Variants in TAF1L observed in about 807,000 individuals in gnomAD.
TAF1L encodes transcription initiation factor TFIID subunit 1-like.
A neutral mutation model predicts 128.8 loss-of-function variants in TAF1L; 30 were observed. The observed-to-expected ratio is 0.23, with a 90% CI of 0.17 to 0.32. TAF1L has a LOEUF of 0.32. Ranked by LOEUF, TAF1L falls within the 10% of genes least tolerant of loss-of-function variation. The pLI is 1.00. For missense variants in TAF1L, 2,099 were observed against 2,253.7 expected (o/e 0.93, Z 1.39); for synonymous variants, 764 against 790.7 (o/e 0.97, Z 0.57).
Position 32,630,794 on chromosome 9 carries a change from C to A in TAF1L, c.4786G>T (p.Ala1596Ser). Residue 1596 changes from alanine to serine, a missense_variant, in exon 1 of 1, where the codon GCC becomes TCC. Physicochemically the swap from Ala to Ser is moderately conservative, Grantham distance 99 (BLOSUM62 1). This residue lies in a region of TAF1L where 404 missense variants were observed against 406.5 expected (regional missense o/e 0.99). Coordinates refer to ENST00000242310, the MANE Select transcript of TAF1L (RefSeq NM_153809.2). Reference sequence around the variant, plus strand: ...GGTCCATTATACTTAACACTGTTGGCAAGAATAAGGTTTACATCATCTAGA... The same window carrying A: ...GGTCCATTATACTTAACACTGTTGGAAAGAATAAGGTTTACATCATCTAGA... ...SFLDDVNLIL[A>S]NSVKYNGPES... 1 of 1,614,176 alleles carries A rather than the reference C, an allele frequency of 6.2e-7. No individual in the cohort carries two copies. Among genetic ancestry groups the A allele is most frequent in the Admixed American group, 1.7e-5 (1 of 60,018 alleles).
Position 32,631,562 on chromosome 9 carries a change from T to C in TAF1L, c.4018A>G (p.Thr1340Ala). 5 of 1,614,212 alleles carry C rather than the reference T, an allele frequency of 3.1e-6. No homozygotes were observed. The highest frequency in any genetic ancestry group is 4.2e-6 in the Non-Finnish European group (5 of 1,180,030). Reference sequence around the variant, plus strand: ...AGCTGTTTCCCGAAGACAATTTTGGTCCCTTCAACCTTGATAAGTTCTTCA... The same window carrying C: ...AGCTGTTTCCCGAAGACAATTTTGGCCCCTTCAACCTTGATAAGTTCTTCA... ...DNEELIKVEGTKIVFGKQLIE... is the reference protein window; with the variant it reads ...DNEELIKVEGAKIVFGKQLIE... Residue 1340 changes from threonine to alanine, a missense_variant, in exon 1 of 1, where the codon ACC becomes GCC. Coordinates refer to ENST00000242310, the MANE Select transcript of TAF1L (RefSeq NM_153809.2). This position sits in a 1 kb window ranked among gnomAD's most constrained non-coding sequence, Gnocchi z 4.1.
Position 32,633,960 on chromosome 9 carries a change from G to T in TAF1L, c.1620C>A (p.Thr540=). 6.2e-7 allele frequency: 1 copy of T among 1,614,130 alleles called. No individual in the cohort carries two copies. The highest frequency in any genetic ancestry group is 1.3e-5 in the African/African-American group (1 of 75,008). The stretch of plus-strand genomic sequence containing the variant: ...TACTCTCCTTGGAGGGGGAGTTAGA[G>T]GTGGCCTCTTCCTTCTCATCAGGAA... ...LEIPDEKEEA[T]SNSPSKESKK... Residue 540 remains threonine (T), a synonymous_variant, in exon 1 of 1, where the codon ACC becomes ACA. Transcript: ENST00000242310.
chr9:32,634,499 G>A lies in TAF1L; in HGVS notation c.1081C>T (p.Arg361Cys). 2.5e-6 allele frequency: 4 copies of A among 1,614,138 alleles called. No individual in the cohort carries two copies. The highest frequency in any genetic ancestry group is 3.4e-6 in the Non-Finnish European group (4 of 1,180,022). Residue 361 changes from arginine to cysteine, a missense_variant, in exon 1 of 1, where the codon CGT becomes TGT. Coordinates refer to ENST00000242310, the MANE Select transcript of TAF1L (RefSeq NM_153809.2). The stretch of plus-strand genomic sequence containing the variant: ...TACCACAGTCGGGCAGGCCCATAAC[G>A]CCACTCAGCCACTCTTGGTTTGGTA... ...TDTKPRVAEW[R>C]YGPARLWYDM...
At position 32,633,908 on chromosome 9, in the gene TAF1L, G is replaced by C; in HGVS notation, c.1672C>G (p.Arg558Gly). ...ACACCTGTTTTGCCCAAGAGAATTC[G>C]ACTCTTCTTCAGAGATGATTCCTTC... is the stretch of plus-strand genomic sequence containing the variant. ...SKKESSLKKS[R>G]ILLGKTGVIR... Residue 558 changes from arginine to glycine, a missense_variant, in exon 1 of 1, where the codon CGA becomes GGA. Arg to Gly is a moderately radical substitution (Grantham distance 125). Coordinates refer to ENST00000242310, the MANE Select transcript of TAF1L (RefSeq NM_153809.2). 6.2e-7 allele frequency: 1 copy of C among 1,614,162 alleles called. No homozygotes were observed. Among genetic ancestry groups the C allele is most frequent in the Non-Finnish European group, 8.5e-7 (1 of 1,180,032 alleles).
chr9:32,633,126 G>C lies in TAF1L; in HGVS notation c.2454C>G (p.Ala818=). The C allele has an allele frequency of 6.2e-7, 1 of 1,614,176 alleles. No homozygotes were observed. The highest frequency in any genetic ancestry group is 8.5e-7 in the Non-Finnish European group (1 of 1,180,024). The change falls in exon 1 of 1, where the codon GCC becomes GCG. Residue 818 remains alanine, a synonymous_variant. Transcript: ENST00000242310. ...FEVPGPNSRR[A]NMHIRDFLQV... ...GTAGAAAGTCTCGAATATGCATATTGGCCCTTCTGGAGTTAGGCCCAGGAA... is the reference window on the plus strand; with the variant it reads ...GTAGAAAGTCTCGAATATGCATATTCGCCCTTCTGGAGTTAGGCCCAGGAA...
Position 32,635,588 on chromosome 9 carries a change from A to G in TAF1L, c.-9T>C. 1 of 1,609,238 alleles carries G rather than the reference A, an allele frequency of 6.2e-7. No individual in the cohort carries two copies. The highest frequency in any genetic ancestry group is 2.2e-5 in the East Asian group (1 of 44,872). On this transcript the variant is annotated 5_prime_UTR_variant, in exon 1 of 1. Transcript: ENST00000242310. ...TCGCAGCCGGGTCGCATAAACCGGA[A>G]ATAAAACAACAGTCGCCCGGAAGTG...
Position 32,630,504 on chromosome 9 carries a change from G to C in TAF1L, c.5076C>G (p.Val1692=). The change falls in exon 1 of 1, where the codon GTC becomes GTG. Residue 1692 remains valine (V), a synonymous_variant. Coordinates refer to ENST00000242310, the MANE Select transcript of TAF1L (RefSeq NM_153809.2). ...CTGGAGTGGCAGTGGAAATATCCAA[G>C]ACAGACAAATTGCTCTCATCTTGAA... ...SVFQDESNLS[V]LDISTATPEK... 6.2e-7 allele frequency: 1 copy of C among 1,614,150 alleles called. No individual in the cohort carries two copies. The highest frequency in any genetic ancestry group is 8.5e-7 in the Non-Finnish European group (1 of 1,180,028).
Position 32,631,925 on chromosome 9 carries a change from T to C in TAF1L, c.3655A>G (p.Thr1219Ala). The stretch of plus-strand genomic sequence containing the variant: ...TTTTGAATGAATTTCTCATCTTTTG[T>C]AGTCCGTATGCGCACATAGGCATCA... ...VIDAYVRIRT[T>A]KDEKFIQKFA... Residue 1219 changes from threonine to alanine, a missense_variant, in exon 1 of 1, where the codon ACA becomes GCA. Thr to Ala is a moderately conservative substitution (Grantham distance 58). Transcript: ENST00000242310. This position sits in a 1 kb window ranked among gnomAD's most constrained non-coding sequence, Gnocchi z 4.1. The C allele has an allele frequency of 6.2e-7, 1 of 1,614,252 alleles. No homozygotes were observed. The highest frequency in any genetic ancestry group is 8.5e-7 in the Non-Finnish European group (1 of 1,180,046).
Position 32,634,778 on chromosome 9 carries a change from C to T in TAF1L, c.802G>A (p.Gly268Arg), listed in dbSNP as rs1006930119. The part of the protein sequence containing the change: ...VLRFLHLFGP[G>R]KNVPSVWRSA... The stretch of plus-strand genomic sequence containing the variant: ...CGCCAAACAGATGGGACATTCTTCC[C>T]TGGTCCAAAAAGATGTAGGAAGCGT... The change falls in exon 1 of 1, where the codon GGG becomes AGG. Residue 268 changes from glycine to arginine, a missense_variant. This residue lies in a region of TAF1L where 473 missense variants were observed against 429.6 expected (regional missense o/e 1.10). Transcript: ENST00000242310. 1 of 1,614,156 alleles carries T rather than the reference C, an allele frequency of 6.2e-7. No individual in the cohort carries two copies.
chr9:32,633,086 G>A lies in TAF1L; in HGVS notation c.2494C>T (p.Arg832Cys), dbSNP rs757259254. ...CGATCTTTACTCTTCCAGAAAAGGC[G>A]GTAAATAAAAACCTGTAGAAAGTCT... ...IRDFLQVFIY[R>C]LFWKSKDRPR... The change falls in exon 1 of 1, where the codon CGC (arginine) becomes TGC (cysteine). Residue 832 changes from arginine to cysteine, a missense_variant. Around this residue, in one of 4 missense-constraint regions of TAF1L, gnomAD observed 1,213 missense variants for 1,391.4 expected, o/e 0.87. Coordinates refer to ENST00000242310, the MANE Select transcript of TAF1L (RefSeq NM_153809.2). 23 of 1,613,958 alleles carry A rather than the reference G, an allele frequency of 1.4e-5. No individual in the cohort carries two copies. Among genetic ancestry groups the A allele is most frequent in the Non-Finnish European group, 1.9e-5 (22 of 1,180,030 alleles).
Position 32,631,709 on chromosome 9 carries a change from G to T in TAF1L, c.3871C>A (p.His1291Asn), listed in dbSNP as rs1822520157. 6.2e-7 allele frequency: 1 copy of T among 1,614,166 alleles called. No homozygotes were observed. Among genetic ancestry groups the T allele is most frequent in the Admixed American group, 1.7e-5 (1 of 60,020 alleles). Reference sequence around the variant, plus strand: ...GGGCAGAATTTGTTAGTCCTCATATGTCCAATGGCACCACATGCCCCACAT... The same window carrying T: ...GGGCAGAATTTGTTAGTCCTCATATTTCCAATGGCACCACATGCCCCACAT... ...LKCGACGAIG[H>N]MRTNKFCPLY... Residue 1291 changes from histidine to asparagine, a missense_variant, in exon 1 of 1, where the codon CAT becomes AAT. Physicochemically the swap from His to Asn is moderately conservative, Grantham distance 68. This residue lies in a region of TAF1L where 1,213 missense variants were observed against 1,391.4 expected (regional missense o/e 0.87). Transcript: ENST00000242310. This position sits in a 1 kb window ranked among gnomAD's most constrained non-coding sequence, Gnocchi z 4.1.
At position 32,630,521 on chromosome 9, in the gene TAF1L, C is replaced by T. The variant is rs1239994332; in HGVS notation, c.5059G>A (p.Glu1687Lys). The change falls in exon 1 of 1, where the codon GAG becomes AAG. Residue 1687 changes from glutamate to lysine, a missense_variant. This residue lies in a region of TAF1L where 404 missense variants were observed against 406.5 expected (regional missense o/e 0.99). Transcript: ENST00000242310. ...TSRDASVFQD[E>K]SNLSVLDIST... is the part of the protein sequence containing the mutation. ...ATATCCAAGACAGACAAATTGCTCTCATCTTGAAATACAGAGGCATCTCGA... is the reference window on the plus strand; with the variant it reads ...ATATCCAAGACAGACAAATTGCTCTTATCTTGAAATACAGAGGCATCTCGA... The T allele has an allele frequency of 1.9e-6, 3 of 1,614,082 alleles. No individual in the cohort carries two copies. The highest frequency in any genetic ancestry group is 2.5e-6 in the Non-Finnish European group (3 of 1,180,046).
rs755926328 is a variant in TAF1L at position 32,630,130 on chromosome 9, G to A, written c.5450C>T (p.Ser1817Leu). 29 of 1,614,154 alleles carry A rather than the reference G, an allele frequency of 1.8e-5. No homozygotes were observed. The highest frequency in any genetic ancestry group is 2.2e-5 in the Non-Finnish European group (26 of 1,180,038). The change falls in exon 1 of 1, where the codon TCA becomes TTA. Residue 1817 changes from serine to leucine, a missense_variant. Physicochemically the swap from Ser to Leu is moderately radical, Grantham distance 145. Transcript: ENST00000242310. ...TCCGTGCCCATCCTTGTGTTCTCCT[G>A]AAGCATGCTGAAGCATGAAGGGTTG... Reference protein sequence around the residue: ...PKQPFMLQHASGEHKDGHGK With the variant: ...PKQPFMLQHALGEHKDGHGK
Position 32,630,428 on chromosome 9 carries a change from C to G in TAF1L, c.5152G>C (p.Val1718Leu). 6.2e-7 allele frequency: 1 copy of G among 1,614,226 alleles called. No individual in the cohort carries two copies. The highest frequency in any genetic ancestry group is 1.1e-5 in the South Asian group (1 of 91,078). ...TCATCATCATACCCTTCAACATCCA[C>G]ATCAGAGTCTTCCTCACCCAGCCTA... ...QGRLGEEDSD[V>L]DVEGYDDEEE... The change falls in exon 1 of 1, where the codon GTG (valine) becomes CTG (leucine). Residue 1718 changes from valine to leucine, a missense_variant. By Grantham distance (32) the Val-to-Leu change is conservative. Around this residue, in one of 4 missense-constraint regions of TAF1L, gnomAD observed 404 missense variants for 406.5 expected, o/e 0.99. Coordinates refer to ENST00000242310, the MANE Select transcript of TAF1L (RefSeq NM_153809.2).
In TAF1L at chr9:32,631,383, G is replaced by T. The variant is rs1316220773; in HGVS notation, c.4197C>A (p.Asp1399Glu). The change falls in exon 1 of 1, where the codon GAC (aspartate) becomes GAA (glutamate). Residue 1399 changes from aspartate to glutamate, a missense_variant. Around this residue, in one of 4 missense-constraint regions of TAF1L, gnomAD observed 1,213 missense variants for 1,391.4 expected, o/e 0.87. Transcript: ENST00000242310. This position sits in a 1 kb window ranked among gnomAD's most constrained non-coding sequence, Gnocchi z 4.1. ...PHKSIHRRRTDPMVTLSSILE... is the reference protein window; with the variant it reads ...PHKSIHRRRTEPMVTLSSILE... Reference sequence around the variant, plus strand: ...GGATGGATGACAGCGTCACCATAGGGTCTGTGCGGCGTCGGTGGATGGACT... The same window carrying T: ...GGATGGATGACAGCGTCACCATAGGTTCTGTGCGGCGTCGGTGGATGGACT... 6.2e-7 allele frequency: 1 copy of T among 1,614,176 alleles called. No homozygotes were observed. Among genetic ancestry groups the T allele is most frequent in the Non-Finnish European group, 8.5e-7 (1 of 1,180,036 alleles).
At position 32,633,644 on chromosome 9, in the gene TAF1L, C is replaced by A; in HGVS notation, c.1936G>T (p.Ala646Ser). The change falls in exon 1 of 1, where the codon GCA becomes TCA. Residue 646 changes from alanine to serine, a missense_variant. By Grantham distance (99) the Ala-to-Ser change is moderately conservative. Transcript: ENST00000242310. ...GAATGGGGACCTGGCTGAGAGAGTG[C>A]ACCAAATGAGTACTTTTTCAGAGGT... ...RPPLKKYSFG[A>S]LSQPGPHSVQ... 6.2e-7 allele frequency: 1 copy of A among 1,614,090 alleles called. No individual in the cohort carries two copies. Among genetic ancestry groups the A allele is most frequent in the South Asian group, 1.1e-5 (1 of 91,080 alleles).
rs142789320 is a variant in TAF1L at position 32,629,879 on chromosome 9, G to C, written c.*220C>G. The C allele has an allele frequency of 1.2e-6, 1 of 839,096 alleles. No homozygotes were observed. Among genetic ancestry groups the C allele is most frequent in the East Asian group, 2.7e-5 (1 of 37,360 alleles). 52.0% of individuals were successfully genotyped at this position (839,096 alleles called of 1,614,324 possible). On this transcript the variant is annotated 3_prime_UTR_variant, in exon 1 of 1. Transcript: ENST00000242310. Reference sequence around the variant, plus strand: ...TCGACATGTTGGCCAAGCTGGTCTCGAACTGACCTCAGGTGATCCACCCGC... The same window carrying C: ...TCGACATGTTGGCCAAGCTGGTCTCCAACTGACCTCAGGTGATCCACCCGC...
Position 32,629,850 on chromosome 9 carries a change from A to T in TAF1L, c.*249T>A. On this transcript the variant is annotated 3_prime_UTR_variant, in exon 1 of 1. Transcript: ENST00000242310. ...ATTTTTGTATTTTTAGTAGAGATGA[A>T]GTTTCGACATGTTGGCCAAGCTGGT... is the stretch of plus-strand genomic sequence containing the variant. 1.5e-6 allele frequency: 1 copy of T among 661,314 alleles called. No homozygotes were observed. The allele number at this position is 661,314 out of a possible 1,614,324, so 41.0% of individuals were successfully genotyped here.
At position 32,635,595 on chromosome 9, in the gene TAF1L, C is replaced by T. The variant is rs1713304220; in HGVS notation, c.-16G>A. 2 of 1,488,424 alleles carry T rather than the reference C, an allele frequency of 1.3e-6. No individual in the cohort carries two copies. Among genetic ancestry groups the T allele is most frequent in the African/African-American group, 1.4e-5 (1 of 69,942 alleles). 92.2% of individuals were successfully genotyped at this position (1,488,424 alleles called of 1,614,324 possible). A position where few individuals can be genotyped will look rare whatever the true frequency, so the allele number is the denominator to read the frequency against. ...CGGGTCGCATAAACCGGAAATAAAA[C>T]AACAGTCGCCCGGAAGTGATCTACT... is the stretch of plus-strand genomic sequence containing the variant. On this transcript the variant is annotated 5_prime_UTR_variant, in exon 1 of 1. Coordinates refer to ENST00000242310, the MANE Select transcript of TAF1L (RefSeq NM_153809.2).
Sources: gnomAD v4.1 joint callset for allele counts on GRCh38, gnomAD v4.1.1 for gene constraint, gnomAD v4.1.1 regional missense constraint, Gnocchi (gnomAD v3.1) non-coding constraint, MANE v1.5 for transcripts, NCBI Gene and HGNC (gene_info 2026-07-23, HGNC 2026-07-21) for gene names.